The following CNNM2 variants were observed in gnomAD, a reference collection of about 807,000 sequenced individuals.
CNNM2 encodes metal transporter CNNM2.
A neutral mutation model predicts 66.9 loss-of-function variants in CNNM2; 12 were observed. That is an observed-to-expected ratio of 0.18 (90% CI 0.11 to 0.29). The LOEUF (loss-of-function observed/expected upper bound fraction) is 0.29. Among genes scored for constraint, CNNM2 ranks in the 10% least tolerant of loss-of-function variants. The pLI, the probability that CNNM2 is intolerant of heterozygous loss-of-function variation, is 1.00. For missense variants in CNNM2, 705 were observed against 1,167.7 expected, an observed-to-expected ratio of 0.60 and a Z score of 5.77; for synonymous variants, 557 against 501.8, an observed-to-expected ratio of 1.11 and a Z score of -1.47.
At position 102,973,283 on chromosome 10, in the gene CNNM2, C is replaced by CT. The variant is rs1030712708; in HGVS notation, c.1621+53193dup. Among the ~76,000 whole-genome samples the CT allele has an allele frequency of 0.021, 3,070 of 147,302 alleles. 104 individuals carry two copies. Among genetic ancestry groups the CT allele is most frequent in the African/African-American group, 0.07 (2,843 of 40,530 alleles). On this transcript the variant is annotated intron_variant, in intron 1 of 7. Coordinates refer to ENST00000369878, the MANE Select transcript of CNNM2 (RefSeq NM_017649.5). ...ATTAAATCACTGCTATATGCAATAACTTTTTTTTTTTGAGCTAGGGTCTCG... is the reference window on the plus strand; with the variant it reads ...ATTAAATCACTGCTATATGCAATAACTTTTTTTTTTTTGAGCTAGGGTCTCG...
At chr10:102,955,920 G>A (rs187077198) in intron 1 of CNNM2, among the ~76,000 whole-genome samples, 1 of 152,212 alleles carries the variant, frequency 6.6e-6, no homozygotes, top group African/African-American at 2.4e-5. Flanking sequence ...ACTTTGGGAG[G>A]CTGGGGCAGG....
intron 1 of CNNM2, among the ~76,000 whole-genome samples, chr10:102,981,635 T>G (rs1203936101): frequency 2.0e-5 from 3 of 151,900 alleles, no homozygotes; most frequent in Non-Finnish European, 4.4e-5. Context: ...TCAAGCGATT[T>G]GCCTGCCTTG....
chr10:103,041,783 A>G (rs937988479), intron 1 of CNNM2, among the ~76,000 whole-genome samples: 1 of 151,842 alleles, frequency 6.6e-6, no homozygotes, highest in Non-Finnish European at 1.5e-5. Context: ...CATTCCCTTT[A>G]TTCCCCCCTC....
intron 1 of CNNM2, among the ~76,000 whole-genome samples, chr10:102,933,520 A>G (rs1846130868): frequency 1.3e-5 from 2 of 152,208 alleles, no homozygotes; most frequent in Non-Finnish European, 2.9e-5. Context: ...GGTTCTTAAG[A>G]TAGAAAAATG....
At chr10:102,969,769 G>A (rs768150881) in intron 1 of CNNM2, among the ~76,000 whole-genome samples, 3 of 151,570 alleles carry the variant, frequency 2.0e-5, no homozygotes, top group East Asian at 2.0e-4. Flanking sequence ...TCAGCCTCCC[G>A]AGTAGCTGGG....
At position 103,089,861 on chromosome 10, in the gene CNNM2, C is replaced by T; in HGVS notation, c.*12681C>T. On this transcript the variant is annotated 3_prime_UTR_variant, in exon 8 of 8. Transcript: ENST00000369878. ...TCCGGGTGGCAAGAGGAGACTCCAT[C>T]TCATTGATATCTACGTGTGTGTGCT... The T allele has an allele frequency of 6.2e-7, 1 of 1,613,912 alleles. No individual in the cohort carries two copies.
chr10:103,077,199 G>T lies in CNNM2; in HGVS notation c.*19G>T, dbSNP rs1416008252. ...CATCTAGGCCGCGCTGGCTGCACCC[G>T]CCCAGGCCCGCACCCGCCCAGTCCC... On this transcript the variant is annotated 3_prime_UTR_variant, in exon 8 of 8. Transcript: ENST00000369878. 1.9e-6 allele frequency: 3 copies of T among 1,606,900 alleles called. No homozygotes were observed. The highest frequency in any genetic ancestry group is 2.7e-5 in the African/African-American group (2 of 74,798).
chr10:102,936,596 A>T lies in CNNM2; in HGVS notation c.1621+16495A>T, dbSNP rs1846250979. Among the ~76,000 whole-genome samples the T allele has an allele frequency of 3.3e-5, 5 of 151,682 alleles. No individual in the cohort carries two copies. In the South Asian group the frequency reaches 1.0e-3, roughly 32 times the overall value. On this transcript the variant is annotated intron_variant, in intron 1 of 7. Transcript: ENST00000369878. ...GGTGAGATTCTGCTGGAAACAAGTCAATTGGCTAAAATACTCTTTTAATCA... is the reference window on the plus strand; with the variant it reads ...GGTGAGATTCTGCTGGAAACAAGTCTATTGGCTAAAATACTCTTTTAATCA...
chr10:102,933,112 G>A (rs1238281549), intron 1 of CNNM2, among the ~76,000 whole-genome samples: 2 of 152,054 alleles, frequency 1.3e-5, no homozygotes, highest in Non-Finnish European at 2.9e-5. Context: ...TTGGCTGTCA[G>A]GATTCCTTGC....
intron 6 of CNNM2, among the ~76,000 whole-genome samples, chr10:103,072,503 C>A (rs1590506668): frequency 6.6e-6 from 1 of 151,930 alleles, no homozygotes; most frequent in Non-Finnish European, 1.5e-5. Context: ...GCAGGCGACC[C>A]CGCTTCTCCC....
At chr10:102,944,466 T>C (rs1846538360) in intron 1 of CNNM2, among the ~76,000 whole-genome samples, 1 of 152,188 alleles carries the variant, frequency 6.6e-6, no homozygotes, top group Admixed American at 6.5e-5. Context: ...TCCCCTGCAA[T>C]TTTTTATTTT....
intron 1 of CNNM2, among the ~76,000 whole-genome samples, chr10:102,970,964 G>A (rs906664249): frequency 3.3e-5 from 5 of 151,564 alleles, no homozygotes; most frequent in African/African-American, 4.9e-5. Context: ...GCCAAGGTAG[G>A]ATAATCATGT....
intron 1 of CNNM2, among the ~76,000 whole-genome samples, chr10:102,934,390 C>T (rs575576474): frequency 6.0e-5 from 9 of 149,762 alleles, no homozygotes; most frequent in South Asian, 2.1e-4. Flanking sequence ...AAGCGATTCT[C>T]CTGCCTCAGC....
intron 4 of CNNM2, among the ~76,000 whole-genome samples, chr10:103,061,168 G>A (rs1035643727): frequency 8.5e-5 from 13 of 152,076 alleles, no homozygotes; most frequent in South Asian, 2.1e-4. Flanking sequence ...TGAGGCAGGC[G>A]GATCACTTGA....
chr10:103,059,881 C>A (rs1014706625), intron 4 of CNNM2, among the ~76,000 whole-genome samples: 4 of 152,176 alleles, frequency 2.6e-5, no homozygotes, highest in Non-Finnish European at 5.9e-5. Context: ...GTAGCTCATG[C>A]CTGTAATCCC....
intron 6 of CNNM2, among the ~76,000 whole-genome samples, chr10:103,075,162 G>A (rs980798020): frequency 6.6e-6 from 1 of 152,198 alleles, no homozygotes; most frequent in Non-Finnish European, 1.5e-5. Context: ...GCTCCTCCGA[G>A]GGCAGCTGTC....
chr10:102,919,105 G>A lies in CNNM2; in HGVS notation c.625G>A (p.Gly209Ser), dbSNP rs1330874988. The A allele has an allele frequency of 2.5e-6, 4 of 1,610,966 alleles. No individual in the cohort carries two copies. In the Admixed American group the frequency reaches 6.7e-5, roughly 27 times the overall value. ...ALGAGGSGST[G>S]GAVGGKGGSG... Reference sequence around the variant, plus strand: ...GGGCGCCGGCGGCTCGGGGTCCACGGGTGGCGCCGTCGGGGGCAAGGGTGG... The same window carrying A: ...GGGCGCCGGCGGCTCGGGGTCCACGAGTGGCGCCGTCGGGGGCAAGGGTGG... The change falls in exon 1 of 8, where the codon GGT becomes AGT. Residue 209 changes from glycine (G) to serine (S), a missense_variant. Physicochemically the swap from Gly to Ser is moderately conservative, Grantham distance 56. This residue lies in a region of CNNM2 where 100 missense variants were observed against 151.9 expected (regional missense o/e 0.66). Coordinates refer to ENST00000369878, the MANE Select transcript of CNNM2 (RefSeq NM_017649.5).
At chr10:102,969,370 C>G (rs964316896) in intron 1 of CNNM2, among the ~76,000 whole-genome samples, 1 of 151,910 alleles carries the variant, frequency 6.6e-6, no homozygotes, top group Non-Finnish European at 1.5e-5. Flanking sequence ...CCTGCCACCA[C>G]GCCTAGCTAA....
intron 1 of CNNM2, among the ~76,000 whole-genome samples, chr10:103,033,165 A>G (rs1439422232): frequency 6.6e-6 from 1 of 151,362 alleles, no homozygotes; most frequent in African/African-American, 2.4e-5. Flanking sequence ...TTTGTCTTCT[A>G]TACATTTTTT....
Sources: gnomAD v4.1 joint callset for allele counts (sites outside exome capture counted in the v4.1 genomes callset) on GRCh38, gnomAD v4.1.1 for gene constraint, gnomAD v4.1.1 regional missense constraint, MANE v1.5 for transcripts, NCBI Gene and HGNC (gene_info 2026-07-23, HGNC 2026-07-21) for gene names.